EFR3A: variants seen among roughly 807,000 people sequenced by gnomAD.
EFR3A encodes the protein EFR3 homolog A, also known as protein EFR3 homolog A.
EFR3A carries 76 observed loss-of-function variants against 104.4 expected under a neutral mutation model. The observed-to-expected ratio is 0.73, with a 90% CI of 0.60 to 0.88. The LOEUF (loss-of-function observed/expected upper bound fraction) is 0.88, where lower values mean the gene tolerates loss of function less well. EFR3A is among the 40% of genes least tolerant of loss of function. The probability of loss-of-function intolerance (pLI) is 0.00; values close to 1 mark genes in which losing one functional copy is unlikely to be tolerated. For synonymous variants in EFR3A, 330 were observed against 330.0 expected (o/e 1.00, Z 0.00); for missense variants, 985 against 1,012.5 (o/e 0.97, Z 0.37).
Position 131,970,582 on chromosome 8 carries a change from A to AGGC in EFR3A, c.1098_1099insGGC (p.Leu366_Asn367insGly). The AGGC allele has an allele frequency of 6.2e-7, 1 of 1,613,870 alleles. No homozygotes were observed. Among genetic ancestry groups the AGGC allele is most frequent in the Non-Finnish European group, 8.5e-7 (1 of 1,179,794 alleles). ...GGGGATCTGTAGGCAGTGTCAACTT[A>AGGC]AATACAAGTTCCAAAGACAATGATG... On this transcript the variant is annotated inframe_insertion, in exon 10 of 23. Coordinates refer to ENST00000254624, the MANE Select transcript of EFR3A (RefSeq NM_015137.6).
At chr8:131,956,809 C>G (rs1348855270) in intron 7 of EFR3A, among the ~76,000 whole-genome samples, 1 of 152,092 alleles carries the variant, frequency 6.6e-6, no homozygotes, top group Non-Finnish European at 1.5e-5. Flanking sequence ...ATATTGAGAT[C>G]TATTGTTTAA....
intron 8 of EFR3A, among the ~76,000 whole-genome samples, chr8:131,966,598 T>C (rs1819752367): frequency 6.6e-6 from 1 of 152,122 alleles, no homozygotes; most frequent in Admixed American, 6.6e-5. Context: ...ATTGTTATTG[T>C]TTAAATATTG....
intron 1 of EFR3A, among the ~76,000 whole-genome samples, chr8:131,936,361 G>A (rs760565444): frequency 9.9e-5 from 15 of 151,996 alleles, no homozygotes; most frequent in South Asian, 4.1e-4. Flanking sequence ...CCCAAGCACC[G>A]AGCTAGCAAT....
intron 22 of EFR3A, among the ~76,000 whole-genome samples, chr8:132,010,413 T>G (rs1207470857): frequency 0.02 from 566 of 28,532 alleles, 7 homozygotes; most frequent in Non-Finnish European, 0.033. Context: ...ATGAGATATA[T>G]ATATATATAT....
At chr8:132,002,227 A>G (rs1821818902) in intron 20 of EFR3A, among the ~76,000 whole-genome samples, 1 of 152,200 alleles carries the variant, frequency 6.6e-6, no homozygotes, top group Admixed American at 6.5e-5. Flanking sequence ...CAAATATTTT[A>G]TGTAGTACCT....
At chr8:131,931,705 T>C (rs1817619147) in intron 1 of EFR3A, among the ~76,000 whole-genome samples, 1 of 152,078 alleles carries the variant, frequency 6.6e-6, no homozygotes, top group South Asian at 2.1e-4. Context: ...TTGCATTATT[T>C]GATACATGGT....
At chr8:131,932,680 T>G (rs1215290877) in intron 1 of EFR3A, among the ~76,000 whole-genome samples, 1 of 152,112 alleles carries the variant, frequency 6.6e-6, no homozygotes, top group African/African-American at 2.4e-5. Flanking sequence ...AAGATATTGA[T>G]TGATTGGTTG....
At chr8:131,952,525 A>G (rs1225326050) in intron 5 of EFR3A, among the ~76,000 whole-genome samples, 4 of 152,112 alleles carry the variant, frequency 2.6e-5, no homozygotes, top group Non-Finnish European at 4.4e-5. Context: ...TAAAAGTTTC[A>G]TCTTGTTTGT....
intron 1 of EFR3A, among the ~76,000 whole-genome samples, chr8:131,931,521 T>TA (rs1218915080): frequency 2.0e-5 from 3 of 152,176 alleles, no homozygotes; most frequent in Non-Finnish European, 4.4e-5. Context: ...AAGAACTATA[T>TA]ATTTTGTTTT....
intron 21 of EFR3A, 93 bp downstream of exon 21, chr8:132,002,799 C>A: frequency 2.0e-6 from 2 of 992,484 alleles, no homozygotes; most frequent in Admixed American, 2.3e-5. Flanking sequence ...AAGCTTTAGT[C>A]AAATCAACGG....
chr8:131,985,332 A>G (rs1028097237), intron 16 of EFR3A, among the ~76,000 whole-genome samples: 3 of 152,090 alleles, frequency 2.0e-5, no homozygotes, highest in Admixed American at 6.6e-5. Context: ...TTATTCTATG[A>G]CTTTTTTCCT....
At chr8:132,004,542 A>G (rs149999511) in intron 22 of EFR3A, among the ~76,000 whole-genome samples, 77 of 152,338 alleles carry the variant, frequency 5.1e-4, no homozygotes, top group Non-Finnish European at 9.1e-4. Flanking sequence ...TGTCTTCCAC[A>G]AAACTGGTCC....
At position 132,012,344 on chromosome 8, in the gene EFR3A, A is replaced by C. The variant is rs1822384446; in HGVS notation, c.*1449A>C. The C allele has an allele frequency of 6.6e-6, 1 of 152,204 alleles. No homozygotes were observed. Among genetic ancestry groups the C allele is most frequent in the Admixed American group, 6.5e-5 (1 of 15,274 alleles). 9.4% of individuals were successfully genotyped at this position (152,204 alleles called of 1,614,324 possible). ...CGATAATAGGACAAGCATACTTGAA[A>C]ATTTCTGAATACTTAAACAAAAGCG... On this transcript the variant is annotated 3_prime_UTR_variant, in exon 23 of 23. Coordinates refer to ENST00000254624, the MANE Select transcript of EFR3A (RefSeq NM_015137.6).
At chr8:131,980,371 G>A (rs1211788061) in intron 14 of EFR3A, among the ~76,000 whole-genome samples, 1 of 151,900 alleles carries the variant, frequency 6.6e-6, no homozygotes, top group Non-Finnish European at 1.5e-5. Flanking sequence ...GTGATTCCTT[G>A]AATAAAATAT....
At chr8:131,909,942 A>G (rs1317446354) in intron 1 of EFR3A, among the ~76,000 whole-genome samples, 2 of 152,202 alleles carry the variant, frequency 1.3e-5, no homozygotes, top group African/African-American at 2.4e-5. Flanking sequence ...TTTCCCATGC[A>G]GGGTCCCCAG....
At chr8:131,942,683 A>G (rs11775288) in intron 2 of EFR3A, among the ~76,000 whole-genome samples, 64,708 of 151,910 alleles carry the variant, frequency 0.43, 14,119 homozygotes, top group Middle Eastern at 0.55. Context: ...AATAGTGGAG[A>G]TAAGTACTGT....
At chr8:131,931,134 C>T (rs951473874) in intron 1 of EFR3A, among the ~76,000 whole-genome samples, 2 of 152,028 alleles carry the variant, frequency 1.3e-5, no homozygotes, top group African/African-American at 4.8e-5. Context: ...GGGATTGATT[C>T]AGAAAGTCCT....
At position 132,011,147 on chromosome 8, in the gene EFR3A, T is replaced by C; in HGVS notation, c.*252T>C. ...GTTGCCTTTTTAAGTTGAACATGTT[T>C]TGGTTTCACTTTATTCCACTGTTAA... is the stretch of plus-strand genomic sequence containing the variant. On this transcript the variant is annotated 3_prime_UTR_variant, in exon 23 of 23. Transcript: ENST00000254624. 8.7e-7 allele frequency: 1 copy of C among 1,155,074 alleles called. No individual in the cohort carries two copies. The highest frequency in any genetic ancestry group is 3.9e-5 in the East Asian group (1 of 25,678). The allele number at this position is 1,155,074 out of a possible 1,614,324, so 71.6% of individuals were successfully genotyped here. A position where few individuals can be genotyped will look rare whatever the true frequency, so the allele number is the denominator to read the frequency against.
Position 132,005,854 on chromosome 8 carries a change from G to T in EFR3A, c.2360+2569G>T, listed in dbSNP as rs561692598. Among the ~76,000 whole-genome samples, 5 of 152,254 alleles carry T rather than the reference G, an allele frequency of 3.3e-5. No homozygotes were observed. In the South Asian group the frequency reaches 1.0e-3, roughly 32 times the overall value. On this transcript the variant is annotated intron_variant, in intron 22 of 22. Coordinates refer to ENST00000254624, the MANE Select transcript of EFR3A (RefSeq NM_015137.6). Reference sequence around the variant, plus strand: ...ACATACAACATTCACAAAATAGACAGATGTGGGACTATAGCAAGTGTAAGT... The same window carrying T: ...ACATACAACATTCACAAAATAGACATATGTGGGACTATAGCAAGTGTAAGT...
Sources: allele counts gnomAD v4.1 joint callset (sites outside exome capture counted in the v4.1 genomes callset), GRCh38; gene constraint gnomAD v4.1.1; transcripts MANE v1.5; gene names NCBI Gene and HGNC (gene_info 2026-07-23, HGNC 2026-07-21).